Variants in FAM149A observed in about 807,000 individuals in gnomAD.
FAM149A encodes family with sequence similarity 149 member A, also known as protein FAM149A.
A neutral mutation model predicts 78.2 loss-of-function variants in FAM149A; 71 were observed. The ratio of observed to expected loss-of-function variants is 0.91; its 90% confidence interval spans 0.75 to 1.11. FAM149A has a LOEUF of 1.11. Among genes scored for constraint, FAM149A ranks in the 50% least tolerant of loss-of-function variants. The probability of loss-of-function intolerance (pLI) is 0.00; values close to 1 mark genes in which losing one functional copy is unlikely to be tolerated. For missense variants in FAM149A, 1,036 were observed against 971.0 expected (o/e 1.07, Z -0.89); for synonymous variants, 446 against 410.5 (o/e 1.09, Z -1.04).
At chr4:186,125,779 C>A in intron 1 of FAM149A, 28 of 985,328 alleles carry the variant, frequency 2.8e-5, no homozygotes, top group Non-Finnish European at 3.4e-5. Flanking sequence ...AGGCCGTGGG[C>A]AAGCTGGGGC....
At chr4:186,154,346 A>G in intron 5 of FAM149A, 122 bp from the exon 6 acceptor site, 7 of 766,336 alleles carry the variant, frequency 9.1e-6, no homozygotes, top group Non-Finnish European at 1.4e-5. Context: ...GTAATATTCA[A>G]CCGTTTTGGG....
At chr4:186,169,384 C>T (rs975804148) in intron 13 of FAM149A, 2 of 985,422 alleles carry the variant, frequency 2.0e-6, no homozygotes, top group African/African-American at 1.7e-5. Context: ...CAATGAGGCG[C>T]GTGCCCCATG....
At chr4:186,169,166 C>T (rs1161086579) in intron 13 of FAM149A, 3 of 982,546 alleles carry the variant, frequency 3.1e-6, no homozygotes, top group Non-Finnish European at 2.4e-6. Context: ...AATCATTGAC[C>T]AAATGCCAAG....
chr4:186,117,445 G>C (rs2099314209), intron 1 of FAM149A: 1 of 985,314 alleles, frequency 1.0e-6, no homozygotes, highest in Non-Finnish European at 1.2e-6. Context: ...TGAGCACACA[G>C]CTAAGAGAGA....
Position 186,166,985 on chromosome 4 carries a change from A to T in FAM149A, c.2028A>T (p.Leu676=). 1 of 1,614,054 alleles carries T rather than the reference A, an allele frequency of 6.2e-7. No homozygotes were observed. The highest frequency in any genetic ancestry group is 1.3e-5 in the African/African-American group (1 of 75,050). ...TCATTTAGTACAGAGGAAGGCATCT[A>T]CAAAACCGTGTGTTGAGTGCCATGC... Residue 676 remains leucine, a synonymous_variant, in exon 12 of 14, where the codon CTA becomes CTT. Transcript: ENST00000389354.
intron 1 of FAM149A, chr4:186,127,792 TCTC>T (rs2099318993): frequency 2.5e-6 from 1 of 408,080 alleles, no homozygotes; most frequent in Admixed American, 6.4e-5. Flanking sequence ...TTCAAGCAAT[TCTC>T]CTGCCTCAGC....
chr4:186,157,050 A>G (rs189070633), intron 7 of FAM149A, among the ~76,000 whole-genome samples: 45 of 152,310 alleles, frequency 3.0e-4, no homozygotes, highest in African/African-American at 1.1e-3. Context: ...AGTAAAAATA[A>G]TTTACCTAAC....
intron 8 of FAM149A, chr4:186,158,080 C>T: frequency 7.4e-7 from 1 of 1,353,542 alleles, no homozygotes; most frequent in Non-Finnish European, 9.7e-7. Context: ...CTGCTGCTGG[C>T]AGCTCGTGCC....
intron 1 of FAM149A, chr4:186,109,325 GTGAT>G: frequency 1.6e-6 from 1 of 635,400 alleles, no homozygotes; most frequent in Non-Finnish European, 2.0e-6. Context: ...TTTTTTTTGA[GTGAT>G]TGAGTTCCAT....
chr4:186,154,415 T>C (rs1399863506), intron 5 of FAM149A, 53 bp from the exon 6 acceptor site: 116 of 1,448,524 alleles, frequency 8.0e-5, no homozygotes, highest in Non-Finnish European at 1.1e-4. Flanking sequence ...GTTTAAGCAT[T>C]GCGTTCTTGG....
intron 6 of FAM149A, chr4:186,154,967 C>CTT (rs35513834): frequency 4.5e-5 from 39 of 868,838 alleles, no homozygotes; most frequent in Admixed American, 6.4e-5. Flanking sequence ...GTATTTTGTT[C>CTT]TTTTTTTTTT....
Position 186,105,263 on chromosome 4 carries a change from C to G in FAM149A, c.187C>G (p.Pro63Ala), listed in dbSNP as rs756367637. 2.2e-5 allele frequency: 27 copies of G among 1,204,782 alleles called. No individual in the cohort carries two copies. In the East Asian group the frequency reaches 1.2e-3, roughly 52 times the overall value. The allele number at this position is 1,204,782 out of a possible 1,614,324, so 74.6% of individuals were successfully genotyped here. ...CCTCCGCGCCCTGGCTCCGGACTCCCCCTCCGCCTCGCGGCGGTCGCCCGC... is the reference window on the plus strand; with the variant it reads ...CCTCCGCGCCCTGGCTCCGGACTCCGCCTCCGCCTCGCGGCGGTCGCCCGC... The change falls in exon 1 of 14, where the codon CCC becomes GCC. Residue 63 changes from proline to alanine, a missense_variant. Pro to Ala is a conservative substitution (Grantham distance 27, BLOSUM62 -1). Transcript: ENST00000389354.
rs145217237 is a variant in FAM149A at position 186,152,170 on chromosome 4, G to A, written c.932+125G>A. On this transcript the variant is annotated intron_variant, in intron 4 of 13. Coordinates refer to ENST00000389354, the MANE Select transcript of FAM149A (RefSeq NM_001367768.3). ...CCCAGTCAGAATATGGATGCAGAGC[G>A]CAGTCCTTCACTGAGAGATCACTTT... 192 of 851,514 alleles carry A rather than the reference G, an allele frequency of 2.3e-4. No homozygotes were observed. In the African/African-American group the frequency reaches 2.3e-3, roughly 10 times the overall value. 52.7% of individuals were successfully genotyped at this position (851,514 alleles called of 1,614,324 possible). A position where few individuals can be genotyped will look rare whatever the true frequency, so the allele number is the denominator to read the frequency against.
chr4:186,161,302 C>G (rs1261427868), intron 8 of FAM149A, among the ~76,000 whole-genome samples: 1 of 152,096 alleles, frequency 6.6e-6, no homozygotes, highest in Non-Finnish European at 1.5e-5. Context: ...AAAACTGCAC[C>G]TGGCGTGGGA....
At chr4:186,133,154 C>T (rs2099321477) in intron 1 of FAM149A, 1 of 985,382 alleles carries the variant, frequency 1.0e-6, no homozygotes, top group African/African-American at 1.7e-5. Flanking sequence ...ACCCTACACA[C>T]TACATTCTGC....
chr4:186,173,396 C>T lies in FAM149A; in HGVS notation c.*1409C>T, dbSNP rs937166605. On this transcript the variant is annotated 3_prime_UTR_variant, in exon 14 of 14. Transcript: ENST00000389354. ...GAAACGGAGTCTGGCTCTGTGGCCC[C>T]GGCTGGAGTGCAGTGGCACGATCTC... Among the ~76,000 whole-genome samples, 28 of 110,714 alleles carry T rather than the reference C, an allele frequency of 2.5e-4. 7 individuals carry two copies. The highest frequency in any genetic ancestry group is 7.4e-4 in the African/African-American group (26 of 35,358). The allele number at this position is 110,714 out of a possible 152,430, so 72.6% of individuals were successfully genotyped here.
intron 5 of FAM149A, among the ~76,000 whole-genome samples, chr4:186,154,030 G>T (rs1733827340): frequency 6.6e-6 from 1 of 152,150 alleles, no homozygotes; most frequent in African/African-American, 2.4e-5. Context: ...TTCCATGTTT[G>T]TTCCAAAGGC....
At chr4:186,113,838 TGTG>T (rs1053055662) in intron 1 of FAM149A, among the ~76,000 whole-genome samples, 12 of 151,358 alleles carry the variant, frequency 7.9e-5, no homozygotes, top group African/African-American at 2.9e-4. Flanking sequence ...TTGGAATAGG[TGTG>T]GTGTGGTGCT....
chr4:186,133,041 A>G (rs2099321401), intron 1 of FAM149A: 2 of 985,322 alleles, frequency 2.0e-6, no homozygotes, highest in African/African-American at 3.5e-5. Flanking sequence ...ACTGCTTAGG[A>G]ATGTGAGTAA....
Sources: allele counts gnomAD v4.1 joint callset (sites outside exome capture counted in the v4.1 genomes callset), GRCh38; gene constraint gnomAD v4.1.1; transcripts MANE v1.5; gene names NCBI Gene and HGNC (gene_info 2026-07-23, HGNC 2026-07-21).